The following ATRX variants were observed in gnomAD, a reference collection of about 807,000 sequenced individuals.
The protein encoded by ATRX is ATRX chromatin remodeler.
A neutral mutation model predicts 172.6 loss-of-function variants in ATRX; 12 were observed. That is an observed-to-expected ratio of 0.07 (90% CI 0.04 to 0.11). The LOEUF (loss-of-function observed/expected upper bound fraction) is 0.11, where lower values mean the gene tolerates loss of function less well. Among genes scored for constraint, ATRX ranks in the 10% least tolerant of loss-of-function variants. The pLI, the probability that ATRX is intolerant of heterozygous loss-of-function variation, is 1.00. For missense variants in ATRX, 1,368 were observed against 1,767.4 expected (o/e 0.77, Z 4.05); for synonymous variants, 674 against 594.7 (o/e 1.13, Z -1.94).
At position 77,620,377 on chromosome X, in the gene ATRX, T is replaced by A. The variant is rs2067529509; in HGVS notation, c.5272+18A>T. The A allele has an allele frequency of 3.3e-6, 4 of 1,200,537 alleles. No individual in the cohort carries two copies. Among genetic ancestry groups the A allele is most frequent in the Non-Finnish European group, 4.5e-6 (4 of 887,301 alleles). The stretch of plus-strand genomic sequence containing the variant: ...GAAATACCAATATTCTACTGCATAA[T>A]CAGAGATATTAACTCACACTCAATT... On this transcript the variant is annotated intron_variant, in intron 20 of 34. Transcript: ENST00000373344.
At chrX:77,621,403 G>A (rs1375973331) in intron 19 of ATRX, among the ~76,000 whole-genome samples, 1 of 110,893 alleles carries the variant, frequency 9.0e-6, no homozygotes, top group African/African-American at 3.3e-5. Flanking sequence ...TCCACCTCCC[G>A]GGTTCAGGTA....
chrX:77,627,699 C>CAA (rs782249390), intron 19 of ATRX, among the ~76,000 whole-genome samples: 5 of 72,909 alleles, frequency 6.9e-5, no homozygotes, highest in East Asian at 8.6e-4. Context: ...CTGTCTCTAC[C>CAA]AAAAAAAAAA....
chrX:77,624,258 T>G (rs1308735134), intron 19 of ATRX, among the ~76,000 whole-genome samples: 1 of 110,521 alleles, frequency 9.0e-6, no homozygotes, highest in East Asian at 2.8e-4. Context: ...TCCCAGCTAC[T>G]CGGGAGGCTG....
At chrX:77,712,399 C>T (rs1209320695) in intron 2 of ATRX, among the ~76,000 whole-genome samples, 2 of 112,366 alleles carry the variant, frequency 1.8e-5, no homozygotes, top group Admixed American at 9.5e-5. Flanking sequence ...ACTCCGACAA[C>T]GTAACATCAT....
intron 8 of ATRX, 29 bp from the exon 9 acceptor site, chrX:77,684,622 T>C (rs2071451051): frequency 3.4e-6 from 4 of 1,160,831 alleles, no homozygotes; most frequent in Non-Finnish European, 4.7e-6. Context: ...TAAAACATTA[T>C]TCCCTTCTTT....
chrX:77,539,755 C>A (rs1334127572), intron 30 of ATRX, among the ~76,000 whole-genome samples: 2 of 111,706 alleles, frequency 1.8e-5, no homozygotes, highest in Non-Finnish European at 3.8e-5. Flanking sequence ...CCTTTACAGA[C>A]AAGCAAATGC....
At chrX:77,554,060 T>C (rs1299312898) in intron 30 of ATRX, among the ~76,000 whole-genome samples, 1 of 111,635 alleles carries the variant, frequency 9.0e-6, no homozygotes, top group African/African-American at 3.3e-5. Context: ...ATCCCAGCAT[T>C]TTGGGAGGCC....
chrX:77,628,053 GAGC>G (rs1477235460), intron 19 of ATRX, among the ~76,000 whole-genome samples: 13 of 112,183 alleles, frequency 1.2e-4, no homozygotes, highest in African/African-American at 2.9e-4. Flanking sequence ...AGGCTCTGGA[GAGC>G]AGAAGAACAG....
intron 1 of ATRX, among the ~76,000 whole-genome samples, chrX:77,749,405 T>C (rs1603303668): frequency 9.0e-6 from 1 of 111,713 alleles, no homozygotes; most frequent in East Asian, 2.8e-4. Context: ...TGAACAGTGC[T>C]ACAATCAACA....
chrX:77,599,326 C>T, intron 25 of ATRX, 85 bp downstream of exon 25: 1 of 1,032,344 alleles, frequency 9.7e-7, no homozygotes, highest in Non-Finnish European at 1.4e-6. Flanking sequence ...GTCAATTAGT[C>T]AGGTAAGTGA....
Position 77,737,674 on chromosome X carries a change from T to C in ATRX, c.21-20431A>G, listed in dbSNP as rs1438975769. Among the ~76,000 whole-genome samples the C allele has an allele frequency of 2.7e-5, 3 of 110,779 alleles. No individual in the cohort carries two copies. In the Admixed American group the frequency reaches 2.9e-4, roughly 11 times the overall value. On this transcript the variant is annotated intron_variant, in intron 1 of 34. Coordinates refer to ENST00000373344, the MANE Select transcript of ATRX (RefSeq NM_000489.6). ...GGACAGCCCATTTTACATGATGTGA[T>C]TAGTACACATTTCATGCCTGTCTCA...
chrX:77,673,378 C>A (rs1422924254), intron 10 of ATRX, among the ~76,000 whole-genome samples: 1 of 111,003 alleles, frequency 9.0e-6, no homozygotes, highest in Non-Finnish European at 1.9e-5. Context: ...AACCTGACAA[C>A]CTATTTGGTA....
intron 11 of ATRX, among the ~76,000 whole-genome samples, chrX:77,663,996 G>A (rs182388504): frequency 5.5e-5 from 6 of 109,274 alleles, no homozygotes; most frequent in Admixed American, 2.9e-4. Context: ...AGCTACTCGG[G>A]AGGCTGAGGC....
rs1454832892 is a variant in ATRX at position 77,632,030 on chromosome X, G to A, written c.5134+1177C>T. Among the ~76,000 whole-genome samples the A allele has an allele frequency of 4.6e-5, 5 of 109,808 alleles. No homozygotes were observed. The East Asian group carries it at 8.5e-4, about 19-fold the overall frequency. On this transcript the variant is annotated intron_variant, in intron 19 of 34. Transcript: ENST00000373344. Reference sequence around the variant, plus strand: ...TTTTTTATTTTTGAGATGGAGTCTCGCTCTGTCACCCAGATGGGAGTGCAG... The same window carrying A: ...TTTTTTATTTTTGAGATGGAGTCTCACTCTGTCACCCAGATGGGAGTGCAG...
At chrX:77,645,264 A>C (rs1362318095) in intron 15 of ATRX, among the ~76,000 whole-genome samples, 1 of 111,506 alleles carries the variant, frequency 9.0e-6, no homozygotes, top group East Asian at 2.8e-4. Flanking sequence ...CCAACCTCTC[A>C]AGTAGCTTAG....
In ATRX at chrX:77,786,102, C is replaced by T. The variant is rs1417754592; in HGVS notation, c.-101G>A. On this transcript the variant is annotated 5_prime_UTR_variant, in exon 1 of 35. Coordinates refer to ENST00000373344, the MANE Select transcript of ATRX (RefSeq NM_000489.6). ...AGAAATGCACTGGAGTCTTAGTCGT[C>T]ACTGTAGCTGCTGCTGGAACCTCCC... 1.0e-6 allele frequency: 1 copy of T among 991,287 alleles called. No individual in the cohort carries two copies. The highest frequency in any genetic ancestry group is 1.9e-5 in the African/African-American group (1 of 52,066). 81.7% of individuals were successfully genotyped at this position (991,287 alleles called of 1,213,427 possible).
intron 30 of ATRX, among the ~76,000 whole-genome samples, chrX:77,549,544 C>T (rs1464667521): frequency 8.9e-6 from 1 of 112,184 alleles, no homozygotes; most frequent in African/African-American, 3.2e-5. Context: ...CAGAGGTTAG[C>T]TATTAATTTA....
rs782410579 is a variant in ATRX at position 77,567,661 on chromosome X, CA to C, written c.6326+6588del. On this transcript the variant is annotated intron_variant, in intron 28 of 34. Transcript: ENST00000373344. ...TCTCAAAAACTGATAACCACATAGC[CA>C]AAAAAAAAAAATCAGCAAAAGTAAA... 2.3e-3 allele frequency among the ~76,000 whole-genome samples: 228 copies of C among 98,790 alleles called. 2 individuals carry two copies. The highest frequency in any genetic ancestry group is 0.021 in the East Asian group (68 of 3,192). 85.8% of individuals were successfully genotyped at this position (98,790 alleles called of 115,157 possible).
At chrX:77,656,493 A>G (rs1425180965) in intron 13 of ATRX, 67 bp downstream of exon 13, 2 of 825,914 alleles carry the variant, frequency 2.4e-6, no homozygotes, top group African/African-American at 4.0e-5. Context: ...CAGTAACCAT[A>G]TAAATCATTT....
Sources: allele counts gnomAD v4.1 joint callset (sites outside exome capture counted in the v4.1 genomes callset), GRCh38; gene constraint gnomAD v4.1.1; transcripts MANE v1.5; gene names NCBI Gene and HGNC (gene_info 2026-07-23, HGNC 2026-07-21).